WWOX: variants seen among roughly 807,000 people sequenced by gnomAD.
The protein encoded by WWOX is WW domain containing oxidoreductase, also known as WW domain-containing oxidoreductase.
WWOX carries 69 observed loss-of-function variants against 46.2 expected under a neutral mutation model. The ratio of observed to expected loss-of-function variants is 1.49; its 90% CI spans 1.23 to 1.82. The LOEUF is 1.82. Ranked by LOEUF, WWOX falls within the 40% of genes most tolerant of loss-of-function variation. The pLI, the probability that WWOX is intolerant of heterozygous loss-of-function variation, is 0.00. For missense variants in WWOX, 919 were observed against 542.6 expected (o/e 1.69, Z -6.89); for synonymous variants, 359 against 202.6 (o/e 1.77, Z -6.56).
At chr16:78,622,962 T>A (rs1033726482) in intron 8 of WWOX, among the ~76,000 whole-genome samples, 4 of 152,104 alleles carry the variant, frequency 2.6e-5, no homozygotes. Flanking sequence ...GCATTTGGCT[T>A]CTAGGAGCTG....
chr16:79,004,073 T>A (rs1206333282), intron 8 of WWOX: 1 of 152,190 alleles, frequency 6.6e-6, no homozygotes, highest in Non-Finnish European at 1.5e-5. Flanking sequence ...CTGGTGTTAC[T>A]GTCTGCATAC....
At chr16:78,921,099 GA>G (rs572938944) in intron 8 of WWOX, among the ~76,000 whole-genome samples, 80 of 151,760 alleles carry the variant, frequency 5.3e-4, no homozygotes, top group Middle Eastern at 6.8e-3. Context: ...TAGCAAGGGG[GA>G]AAAAAAGAGC....
At chr16:78,874,523 G>A (rs922754209) in intron 8 of WWOX, among the ~76,000 whole-genome samples, 3 of 151,980 alleles carry the variant, frequency 2.0e-5, no homozygotes, top group Non-Finnish European at 4.4e-5. Flanking sequence ...TCACTGCAGC[G>A]CCTGGTATAC....
chr16:78,128,404 G>A (rs1294779998), intron 4 of WWOX, among the ~76,000 whole-genome samples: 1 of 152,162 alleles, frequency 6.6e-6, no homozygotes, highest in Non-Finnish European at 1.5e-5. Context: ...CAATAAGAAG[G>A]GAACCTGCAG....
At chr16:78,846,165 C>CTT (rs1439899289) in intron 8 of WWOX, among the ~76,000 whole-genome samples, 1 of 152,134 alleles carries the variant, frequency 6.6e-6, no homozygotes, top group Non-Finnish European at 1.5e-5. Flanking sequence ...TAAATGTTGG[C>CTT]TTACAGAAAA....
At chr16:78,109,703 C>T in intron 2 of WWOX, 75 bp from the exon 3 acceptor site, 2 of 1,519,274 alleles carry the variant, frequency 1.3e-6, no homozygotes, top group Middle Eastern at 1.7e-4. Flanking sequence ...GCTGGGAGGG[C>T]TCCTTCCCTT....
chr16:78,468,818 A>G (rs976782720), intron 8 of WWOX, among the ~76,000 whole-genome samples: 3 of 152,226 alleles, frequency 2.0e-5, no homozygotes, highest in Non-Finnish European at 4.4e-5. Flanking sequence ...AACACTGTGC[A>G]GTGTAATTCC....
chr16:78,649,870 T>C (rs1019975648), intron 8 of WWOX, among the ~76,000 whole-genome samples: 2 of 152,208 alleles, frequency 1.3e-5, no homozygotes, highest in Non-Finnish European at 2.9e-5. Context: ...CTTCCACATA[T>C]GGTATAAGGC....
At chr16:78,365,265 G>A (rs547957508) in intron 5 of WWOX, among the ~76,000 whole-genome samples, 82 of 152,288 alleles carry the variant, frequency 5.4e-4, no homozygotes, top group African/African-American at 1.9e-3. Context: ...TGTCTCCAAC[G>A]CATCCATGGA....
At chr16:78,523,745 A>G (rs2151501887) in intron 8 of WWOX, among the ~76,000 whole-genome samples, 1 of 152,308 alleles carries the variant, frequency 6.6e-6, no homozygotes, top group Non-Finnish European at 1.5e-5. Context: ...CGCATACATG[A>G]TGTCCAGCAC....
At chr16:79,120,627 G>C (rs534197003) in intron 8 of WWOX, among the ~76,000 whole-genome samples, 10 of 152,334 alleles carry the variant, frequency 6.6e-5, no homozygotes, top group African/African-American at 2.2e-4. Context: ...GGGGACACTA[G>C]AGGAGACTTT....
At chr16:78,367,071 C>A (rs533996452) in intron 5 of WWOX, among the ~76,000 whole-genome samples, 7 of 147,602 alleles carry the variant, frequency 4.7e-5, no homozygotes, top group Non-Finnish European at 7.4e-5. Flanking sequence ...GCTCTGCCTC[C>A]CAGGTTTACG....
At chr16:78,541,806 C>G (rs1368461693) in intron 8 of WWOX, among the ~76,000 whole-genome samples, 1 of 152,026 alleles carries the variant, frequency 6.6e-6, no homozygotes, top group Non-Finnish European at 1.5e-5. Flanking sequence ...AGCAAATGGA[C>G]TACTATGAAG....
chr16:78,866,659 C>T (rs940206311), intron 8 of WWOX, among the ~76,000 whole-genome samples: 2 of 152,214 alleles, frequency 1.3e-5, no homozygotes, highest in Admixed American at 6.5e-5. Flanking sequence ...TTTTGTTGCC[C>T]TGGCTTGCAA....
At chr16:78,588,894 G>T (rs1159944621) in intron 8 of WWOX, among the ~76,000 whole-genome samples, 1 of 152,128 alleles carries the variant, frequency 6.6e-6, no homozygotes. Context: ...AGAAGAAGAG[G>T]AGGAGGAGGA....
chr16:78,568,262 C>A (rs776196423), intron 8 of WWOX, among the ~76,000 whole-genome samples: 1 of 151,834 alleles, frequency 6.6e-6, no homozygotes, highest in African/African-American at 2.4e-5. Context: ...ATATGAGGTA[C>A]GGGATGAAGA....
At chr16:78,869,786 G>C (rs769149541) in intron 8 of WWOX, among the ~76,000 whole-genome samples, 8 of 152,220 alleles carry the variant, frequency 5.3e-5, no homozygotes, top group Non-Finnish European at 1.2e-4. Flanking sequence ...TCTTAGCAGA[G>C]CCAAAAGCCA....
rs757145186 is a variant in WWOX, at chr16:78,114,996, C to G, written c.251C>G (p.Thr84Ser). The G allele has an allele frequency of 6.4e-5, 103 of 1,614,080 alleles. No homozygotes were observed. Among genetic ancestry groups the G allele is most frequent in the Non-Finnish European group, 8.6e-5 (101 of 1,180,052 alleles). ...GGCAGCCATATAAATAAAAGAACCA[C>G]CTACTTGGACCCAAGACTGGCGTTT... The part of the protein sequence containing the change: ...FFVDHINKRT[T>S]YLDPRLAFTV... The change falls in exon 4 of 9, where the codon ACC becomes AGC. Residue 84 changes from threonine (T) to serine (S), a missense_variant. Transcript: ENST00000566780.
chr16:78,400,168 T>G (rs58231906), intron 6 of WWOX, among the ~76,000 whole-genome samples: 17,712 of 152,244 alleles, frequency 0.12, 1,716 homozygotes, highest in African/African-American at 0.26. Context: ...TTCGGTCACT[T>G]ACTCGTCATC....
Sources: gnomAD v4.1 joint callset for allele counts (sites outside exome capture counted in the v4.1 genomes callset) on GRCh38, gnomAD v4.1.1 for gene constraint, MANE v1.5 for transcripts, NCBI Gene and HGNC (gene_info 2026-07-23, HGNC 2026-07-21) for gene names.